The following DGKB variants were observed in gnomAD, a reference collection of about 807,000 sequenced individuals.
DGKB encodes diacylglycerol kinase beta, also known as 90 kDa diacylglycerol kinase.
In DGKB, 67 loss-of-function variants were observed where a neutral mutation model predicts 114.3. The observed-to-expected ratio is 0.59, with a 90% CI of 0.48 to 0.72. The LOEUF (loss-of-function observed/expected upper bound fraction) is 0.72. Among genes scored for constraint, DGKB ranks in the 30% least tolerant of loss-of-function variants. The probability of loss-of-function intolerance (pLI) is 0.00; values close to 1 mark genes in which losing one functional copy is unlikely to be tolerated. For synonymous variants in DGKB, 398 were observed against 323.1 expected (o/e 1.23, Z -2.49); for missense variants, 907 against 975.2 (o/e 0.93, Z 0.93).
intron 20 of DGKB, among the ~76,000 whole-genome samples, chr7:14,522,922 A>G (rs1298255147): frequency 6.6e-6 from 1 of 152,210 alleles, no homozygotes; most frequent in Non-Finnish European, 1.5e-5. Context: ...ACAAGAAAGC[A>G]TACGGAATTG....
intron 13 of DGKB, among the ~76,000 whole-genome samples, chr7:14,655,550 A>G (rs550793060): frequency 6.6e-6 from 1 of 151,894 alleles, no homozygotes; most frequent in South Asian, 2.1e-4. Flanking sequence ...AGCCAAAGGA[A>G]AGGAAACTTG....
At chr7:14,793,876 G>C (rs752805128) in intron 2 of DGKB, among the ~76,000 whole-genome samples, 1 of 152,038 alleles carries the variant, frequency 6.6e-6, no homozygotes, top group Admixed American at 6.6e-5. Context: ...CACTGTAAGT[G>C]AGCATTACCC....
intron 1 of DGKB, among the ~76,000 whole-genome samples, chr7:14,922,693 C>G (rs945477090): frequency 3.9e-5 from 6 of 151,982 alleles, no homozygotes. Context: ...CCTCTCTCTG[C>G]TACTAAATAG....
chr7:14,229,704 C>T (rs1389153988), intron 23 of DGKB, among the ~76,000 whole-genome samples: 2 of 151,808 alleles, frequency 1.3e-5, no homozygotes, highest in African/African-American at 4.8e-5. Flanking sequence ...TCAACAATTA[C>T]AAAATACACT....
At chr7:14,264,004 GC>G (rs1196785447) in intron 23 of DGKB, among the ~76,000 whole-genome samples, 2 of 152,082 alleles carry the variant, frequency 1.3e-5, no homozygotes, top group African/African-American at 4.8e-5. Context: ...AATAGGGAGA[GC>G]CTCTGTGGTT....
intron 21 of DGKB, among the ~76,000 whole-genome samples, chr7:14,396,150 A>G (rs1430162395): frequency 6.6e-6 from 1 of 152,066 alleles, no homozygotes; most frequent in Non-Finnish European, 1.5e-5. Context: ...GTTAGGAATT[A>G]ATATATTTTA....
At chr7:14,532,321 C>T (rs938809010) in intron 20 of DGKB, among the ~76,000 whole-genome samples, 2 of 149,554 alleles carry the variant, frequency 1.3e-5, no homozygotes, top group Non-Finnish European at 3.0e-5. Flanking sequence ...TGGACTAACA[C>T]ATGAATCAAA....
chr7:14,475,778 C>T (rs61484583), intron 21 of DGKB, among the ~76,000 whole-genome samples: 8,991 of 152,110 alleles, frequency 0.059, 867 homozygotes, highest in African/African-American at 0.2. Flanking sequence ...TTATAAATGG[C>T]ATCTAATCAC....
At chr7:14,489,129 G>T (rs1376372329) in intron 20 of DGKB, among the ~76,000 whole-genome samples, 1 of 152,100 alleles carries the variant, frequency 6.6e-6, no homozygotes, top group African/African-American at 2.4e-5. Flanking sequence ...CACAAACTCT[G>T]CCTGTATCTA....
rs574245619 is a variant in DGKB at position 14,583,740 on chromosome 7, T to C, written c.1434-603A>G. On this transcript the variant is annotated intron_variant, in intron 17 of 25. Coordinates refer to ENST00000402815, the MANE Select transcript of DGKB (RefSeq NM_001350709.2). The stretch of plus-strand genomic sequence containing the variant: ...TCCACCCAGGAACACTCTAGCCTAA[T>C]TGCTGGGTCAGCTGCCATAAATACC... Among the ~76,000 whole-genome samples the C allele has an allele frequency of 3.5e-4, 53 of 152,282 alleles. No individual in the cohort carries two copies. In the South Asian group the frequency reaches 4.6e-3, roughly 13 times the overall value.
rs556503248 is a variant in DGKB, at chr7:14,507,592, T to C, written c.1771-29367A>G. On this transcript the variant is annotated intron_variant, in intron 20 of 25. Coordinates refer to ENST00000402815, the MANE Select transcript of DGKB (RefSeq NM_001350709.2). ...TTTTTTACTGCTGTTAGGAGGTATC[T>C]GTGATTTCCATTTCTTCTTTCACCC... 2.6e-5 allele frequency among the ~76,000 whole-genome samples: 4 copies of C among 152,364 alleles called. No individual in the cohort carries two copies. In the South Asian group the frequency reaches 6.2e-4, roughly 24 times the overall value.
At chr7:14,177,874 AT>A (rs1434398626) in intron 24 of DGKB, among the ~76,000 whole-genome samples, 156 bp downstream of exon 24, 1 of 152,200 alleles carries the variant, frequency 6.6e-6, no homozygotes, top group Non-Finnish European at 1.5e-5. Flanking sequence ...ATTTTAGACA[AT>A]CTGCCAATGT....
chr7:14,427,752 C>T (rs1827796389), intron 21 of DGKB, among the ~76,000 whole-genome samples: 1 of 152,088 alleles, frequency 6.6e-6, no homozygotes. Context: ...TATTCACTAT[C>T]ATGAGAACAG....
chr7:14,416,857 C>G (rs928996143), intron 21 of DGKB, among the ~76,000 whole-genome samples: 1 of 152,074 alleles, frequency 6.6e-6, no homozygotes, highest in Non-Finnish European at 1.5e-5. Context: ...TAATTTTACT[C>G]AACGCTCCCT....
chr7:14,719,006 T>G (rs1423994953), intron 5 of DGKB: 2 of 191,382 alleles, frequency 1.0e-5, no homozygotes, highest in Non-Finnish European at 2.1e-5. Context: ...CACTTTTCTG[T>G]GCTTTAGGTA....
chr7:14,845,321 AC>A (rs1325003731), intron 1 of DGKB, among the ~76,000 whole-genome samples: 1 of 152,158 alleles, frequency 6.6e-6, no homozygotes, highest in East Asian at 1.9e-4. Context: ...TTCATTTTTT[AC>A]ATTTGTTTTG....
intron 4 of DGKB, among the ~76,000 whole-genome samples, chr7:14,750,684 A>G (rs1833971088): frequency 1.3e-5 from 2 of 151,988 alleles, no homozygotes; most frequent in Admixed American, 6.6e-5. Flanking sequence ...TCTTTCACCT[A>G]TAAAACTTAA....
At chr7:14,361,279 C>T (rs1469151579) in intron 21 of DGKB, among the ~76,000 whole-genome samples, 1 of 151,820 alleles carries the variant, frequency 6.6e-6, no homozygotes, top group Admixed American at 6.6e-5. Flanking sequence ...TTTTCTAATG[C>T]TATGGAAGAG....
chr7:14,689,954 T>C (rs1041975136), intron 9 of DGKB, among the ~76,000 whole-genome samples: 7 of 152,168 alleles, frequency 4.6e-5, no homozygotes, highest in African/African-American at 1.7e-4. Flanking sequence ...CCTATAAGAA[T>C]TGAAGACCAG....
Sources: allele counts gnomAD v4.1 joint callset (sites outside exome capture counted in the v4.1 genomes callset), GRCh38; gene constraint gnomAD v4.1.1; transcripts MANE v1.5; gene names NCBI Gene and HGNC (gene_info 2026-07-23, HGNC 2026-07-21).